Variants in CPEB3 observed in about 807,000 individuals in gnomAD.
The protein encoded by CPEB3 is cytoplasmic polyadenylation element binding protein 3.
A neutral mutation model predicts 67.2 loss-of-function variants in CPEB3; 20 were observed. The ratio of observed to expected loss-of-function variants is 0.30; its 90% CI spans 0.21 to 0.43. The LOEUF (loss-of-function observed/expected upper bound fraction) is 0.43. Ranked by LOEUF, CPEB3 falls within the 20% of genes least tolerant of loss-of-function variation. The pLI, the probability that CPEB3 is intolerant of heterozygous loss-of-function variation, is 1.00. For synonymous variants in CPEB3, 376 were observed against 393.1 expected (o/e 0.96, Z 0.51); for missense variants, 746 against 968.6 (o/e 0.77, Z 3.05).
intron 8 of CPEB3, among the ~76,000 whole-genome samples, chr10:92,089,776 C>T (rs979832047): frequency 6.6e-5 from 10 of 151,518 alleles, no homozygotes; most frequent in African/African-American, 2.4e-4. Context: ...GAGTGAGACT[C>T]CGTCTCAAAA....
At chr10:92,099,691 T>G (rs559777161) in intron 7 of CPEB3, among the ~76,000 whole-genome samples, 1 of 138,906 alleles carries the variant, frequency 7.2e-6, no homozygotes. Flanking sequence ...CCATTTCTAC[T>G]AAAAAAAAAA....
intron 9 of CPEB3, among the ~76,000 whole-genome samples, chr10:92,074,478 T>C (rs536622148): frequency 6.6e-6 from 1 of 152,332 alleles, no homozygotes; most frequent in African/African-American, 2.4e-5. Context: ...GGTAGACATG[T>C]ATTATGACAA....
chr10:92,100,393 T>C (rs1317105065), intron 7 of CPEB3, among the ~76,000 whole-genome samples: 1 of 151,234 alleles, frequency 6.6e-6, no homozygotes, highest in East Asian at 2.0e-4. Context: ...CGTGCCTCAG[T>C]CTCTCAAGTA....
rs780757034 is a variant in CPEB3, at chr10:92,190,665, C to CAAAAAA, written c.1165+1806_1165+1811dup. On this transcript the variant is annotated intron_variant, in intron 3 of 9. Transcript: ENST00000265997. ...GGGCAACAAGAGCGAAACTCCATCTCAAAAAAAAAAAAAAAAAAAAAAAAA... is the reference window on the plus strand; with the variant it reads ...GGGCAACAAGAGCGAAACTCCATCTCAAAAAAAAAAAAAAAAAAAAAAAAAAAAAAA... Among the ~76,000 whole-genome samples, 59 of 78,396 alleles carry CAAAAAA rather than the reference C, an allele frequency of 7.5e-4. 3 individuals are homozygous for CAAAAAA. The highest frequency in any genetic ancestry group is 1.0e-3 in the Non-Finnish European group (44 of 43,162). 51.4% of individuals were successfully genotyped at this position (78,396 alleles called of 152,430 possible).
rs1383439476 is a variant in CPEB3 at position 92,239,845 on chromosome 10, G to C, written c.506C>G (p.Pro169Arg). ...QTQHHQQPPP[P>R]APAPQPAQPA... ...CTGTGCCGGCTGCGGCGCGGGCGCA[G>C]GCGGCGGCGGCTGCTGGTGGTGCTG... Residue 169 changes from proline to arginine, a missense_variant, in exon 2 of 10, where the codon CCT (proline) becomes CGT (arginine). Around this residue, in one of 2 missense-constraint regions of CPEB3, gnomAD observed 643 missense variants for 717.5 expected, o/e 0.90. Coordinates refer to ENST00000265997, the MANE Select transcript of CPEB3 (RefSeq NM_014912.5). The surrounding 1 kb of genome is among the most constrained non-coding windows in gnomAD (Gnocchi z 6.0). 1 of 1,504,558 alleles carries C rather than the reference G, an allele frequency of 6.6e-7. No individual in the cohort carries two copies. Among genetic ancestry groups the C allele is most frequent in the Admixed American group, 2.1e-5 (1 of 46,616 alleles). 93.2% of individuals were successfully genotyped at this position (1,504,558 alleles called of 1,614,324 possible). A position where few individuals can be genotyped will look rare whatever the true frequency, so the allele number is the denominator to read the frequency against.
chr10:92,106,232 T>C (rs1258397386), intron 7 of CPEB3, among the ~76,000 whole-genome samples: 1 of 151,982 alleles, frequency 6.6e-6, no homozygotes, highest in African/African-American at 2.4e-5. Flanking sequence ...TTAACCTTTT[T>C]TTTTTTTTTT....
At chr10:92,205,942 G>A (rs1479622122) in intron 2 of CPEB3, among the ~76,000 whole-genome samples, 1 of 151,894 alleles carries the variant, frequency 6.6e-6, no homozygotes, top group Non-Finnish European at 1.5e-5. Flanking sequence ...CATCTAAAAT[G>A]GAAAGCATCC....
chr10:92,280,084 T>C (rs2135064325), intron 1 of CPEB3, among the ~76,000 whole-genome samples: 1 of 151,886 alleles, frequency 6.6e-6, no homozygotes, highest in South Asian at 2.1e-4. Flanking sequence ...GGCTCACACC[T>C]GTAATCCCTG....
At chr10:92,106,874 G>C (rs1413699839) in intron 7 of CPEB3, among the ~76,000 whole-genome samples, 1 of 147,826 alleles carries the variant, frequency 6.8e-6, no homozygotes, top group Admixed American at 6.7e-5. Context: ...GAAAAAGGAA[G>C]GAAGGAAGAA....
intron 4 of CPEB3, among the ~76,000 whole-genome samples, chr10:92,148,523 C>T (rs1846799888): frequency 6.6e-6 from 1 of 152,106 alleles, no homozygotes; most frequent in Admixed American, 6.5e-5. Flanking sequence ...CCCCAAGGAC[C>T]ATTATACCAT....
rs368858085 is a variant in CPEB3 at position 92,103,172 on chromosome 10, G to GC, written c.1572+7903dup. ...GGGTATATTTTGGTCACCAGTGGATGCCCAAGGTCTTGGGCTTAATGAATG... is the reference window on the plus strand; with the variant it reads ...GGGTATATTTTGGTCACCAGTGGATGCCCCAAGGTCTTGGGCTTAATGAATG... On this transcript the variant is annotated intron_variant, in intron 7 of 9. Coordinates refer to ENST00000265997, the MANE Select transcript of CPEB3 (RefSeq NM_014912.5). Among the ~76,000 whole-genome samples the GC allele has an allele frequency of 6.5e-3, 992 of 152,330 alleles. 18 individuals carry two copies. Among genetic ancestry groups the GC allele is most frequent in the African/African-American group, 0.023 (942 of 41,576 alleles).
intron 3 of CPEB3, among the ~76,000 whole-genome samples, chr10:92,189,586 G>C (rs1349344472): frequency 6.6e-6 from 1 of 151,618 alleles, no homozygotes; most frequent in East Asian, 1.9e-4. Context: ...TGACTGCAAA[G>C]TCAGAAAGAC....
intron 3 of CPEB3, among the ~76,000 whole-genome samples, chr10:92,188,322 A>C (rs1848794403): frequency 3.5e-5 from 1 of 28,304 alleles, no homozygotes; most frequent in Non-Finnish European, 6.2e-5. Flanking sequence ...AGACATAGTA[A>C]AAAAAAAAAA....
At chr10:92,083,747 T>C (rs547867311) in intron 8 of CPEB3, among the ~76,000 whole-genome samples, 32 of 152,312 alleles carry the variant, frequency 2.1e-4, no homozygotes, top group African/African-American at 7.7e-4. Flanking sequence ...AGGAATTGAA[T>C]GGCACTTGTC....
chr10:92,203,528 A>ATTTT (rs1298232679), intron 2 of CPEB3, among the ~76,000 whole-genome samples: 7 of 93,874 alleles, frequency 7.5e-5, no homozygotes, highest in Admixed American at 1.9e-4. Context: ...ATATATATAT[A>ATTTT]TTTTTTTTTT....
chr10:92,196,333 G>A (rs1462974820), intron 2 of CPEB3, among the ~76,000 whole-genome samples: 1 of 152,180 alleles, frequency 6.6e-6, no homozygotes, highest in East Asian at 1.9e-4. Context: ...CTGATTTACT[G>A]AGTATTAGAG....
chr10:92,054,572 TGGGATTACA>T (rs1842042723), intron 9 of CPEB3, among the ~76,000 whole-genome samples: 2 of 152,076 alleles, frequency 1.3e-5, no homozygotes, highest in African/African-American at 4.8e-5. Flanking sequence ...CCCAAGTAGC[TGGGATTACA>T]GGCGCCCATC....
At chr10:92,066,707 G>A (rs1392149502) in intron 9 of CPEB3, among the ~76,000 whole-genome samples, 2 of 152,164 alleles carry the variant, frequency 1.3e-5, no homozygotes, top group Non-Finnish European at 1.5e-5. Context: ...CTTTCTGGTC[G>A]CTAAAGCAGG....
chr10:92,110,603 T>C (rs1844689022), intron 7 of CPEB3, among the ~76,000 whole-genome samples: 1 of 152,236 alleles, frequency 6.6e-6, no homozygotes, highest in South Asian at 2.1e-4. Flanking sequence ...GTTGAAACTA[T>C]CCATTTTAGA....
Sources: allele counts gnomAD v4.1 joint callset (sites outside exome capture counted in the v4.1 genomes callset), GRCh38; gene constraint gnomAD v4.1.1; regional missense constraint gnomAD v4.1.1; non-coding constraint Gnocchi (gnomAD v3.1); transcripts MANE v1.5; gene names NCBI Gene and HGNC (gene_info 2026-07-23, HGNC 2026-07-21).